The following MTMR12 variants were observed in gnomAD, a reference collection of about 807,000 sequenced individuals.
MTMR12 encodes myotubularin-related protein 12.
A neutral mutation model predicts 96.7 loss-of-function variants in MTMR12; 33 were observed. The ratio of observed to expected loss-of-function variants is 0.34; its 90% confidence interval spans 0.26 to 0.46. MTMR12 has a LOEUF of 0.46. Ranked by LOEUF, MTMR12 falls within the 20% of genes least tolerant of loss-of-function variation. MTMR12 has a pLI of 1.00. For missense variants in MTMR12, 721 were observed against 896.1 expected (o/e 0.80, Z 2.49); for synonymous variants, 298 against 327.2 (o/e 0.91, Z 0.96).
chr5:32,263,731 C>A (rs901998145), intron 6 of MTMR12, among the ~76,000 whole-genome samples: 1 of 152,292 alleles, frequency 6.6e-6, no homozygotes, highest in African/African-American at 2.4e-5. Flanking sequence ...AGCCATCGCG[C>A]CAGGCCAGCT....
intron 6 of MTMR12, among the ~76,000 whole-genome samples, chr5:32,264,829 C>T (rs1749530237): frequency 6.6e-6 from 1 of 152,100 alleles, no homozygotes; most frequent in Admixed American, 6.5e-5. Context: ...AGATCATTTC[C>T]TCCATTTTAC....
intron 1 of MTMR12, among the ~76,000 whole-genome samples, chr5:32,286,789 G>A (rs1750556309): frequency 6.6e-6 from 1 of 152,210 alleles, no homozygotes; most frequent in African/African-American, 2.4e-5. Context: ...GACGAGGGTT[G>A]TACTCTCAAC....
At chr5:32,280,692 G>A (rs569465647) in intron 1 of MTMR12, among the ~76,000 whole-genome samples, 13 of 151,958 alleles carry the variant, frequency 8.6e-5, no homozygotes, top group Admixed American at 3.3e-4. Flanking sequence ...ACCGACCTGG[G>A]GCCACAGTCC....
At chr5:32,248,620 T>C in intron 9 of MTMR12, 152 bp downstream of exon 9, 1 of 622,132 alleles carries the variant, frequency 1.6e-6, no homozygotes, top group South Asian at 2.2e-5. Context: ...CTGACTCCTT[T>C]CAAATTAACT....
At chr5:32,231,381 C>CA (rs548654471) in intron 15 of MTMR12, among the ~76,000 whole-genome samples, 1,196 of 46,464 alleles carry the variant, frequency 0.026, 10 homozygotes, top group Middle Eastern at 0.039. Flanking sequence ...CTCTGGCTCG[C>CA]AAAAAAAAAA....
chr5:32,260,701 C>T (rs928733242), intron 7 of MTMR12, among the ~76,000 whole-genome samples: 2 of 148,696 alleles, frequency 1.3e-5, no homozygotes, highest in African/African-American at 2.5e-5. Context: ...ACTGCCACCA[C>T]AGCTCACACT....
chr5:32,242,200 A>G (rs1356569947), intron 11 of MTMR12, 73 bp from the exon 12 acceptor site: 1 of 1,096,238 alleles, frequency 9.1e-7, no homozygotes, highest in Non-Finnish European at 1.3e-6. Context: ...CGTAGTTGAG[A>G]GAGAGTCTGA....
At position 32,233,211 on chromosome 5, in the gene MTMR12, C is replaced by CTTTT. The variant is rs767162675; in HGVS notation, c.1674+558_1674+561dup. Among the ~76,000 whole-genome samples, 4 of 145,204 alleles carry CTTTT rather than the reference C, an allele frequency of 2.8e-5. No homozygotes were observed. The highest frequency in any genetic ancestry group is 6.1e-5 in the Non-Finnish European group (4 of 65,700). ...CCTACTTGTTCACCTACTAAGGCTC[C>CTTTT]TTTTTTTTTTTTCAAGTAAAGGAAT... On this transcript the variant is annotated intron_variant, in intron 15 of 15. Coordinates refer to ENST00000382142, the MANE Select transcript of MTMR12 (RefSeq NM_001040446.3). The surrounding 1 kb of genome is among the most constrained non-coding windows in gnomAD (Gnocchi z 5.0).
chr5:32,242,757 GTTCT>G (rs1748534571), intron 11 of MTMR12, among the ~76,000 whole-genome samples: 1 of 151,788 alleles, frequency 6.6e-6, no homozygotes, highest in African/African-American at 2.4e-5. Context: ...ACAAAGAAGG[GTTCT>G]TTGCTTCCAT....
chr5:32,258,435 A>C (rs1447805053), intron 7 of MTMR12, among the ~76,000 whole-genome samples: 1 of 152,236 alleles, frequency 6.6e-6, no homozygotes, highest in East Asian at 1.9e-4. Context: ...AGATTAAAAG[A>C]TTACCAATGT....
At chr5:32,271,298 T>C (rs1299803354) in intron 4 of MTMR12, among the ~76,000 whole-genome samples, 1 of 152,214 alleles carries the variant, frequency 6.6e-6, no homozygotes, top group African/African-American at 2.4e-5. Flanking sequence ...AGTCAACTCC[T>C]GGGTTTACAG....
intron 3 of MTMR12, among the ~76,000 whole-genome samples, chr5:32,273,732 G>A (rs1345230579): frequency 6.6e-6 from 1 of 152,078 alleles, no homozygotes; most frequent in Non-Finnish European, 1.5e-5. Flanking sequence ...TATGTGGGAT[G>A]GTGGGGAGGG....
intron 2 of MTMR12, 40 bp from the exon 3 acceptor site, chr5:32,274,162 G>A (rs945909201): frequency 1.9e-6 from 3 of 1,600,704 alleles, no homozygotes; most frequent in Non-Finnish European, 1.7e-6. Flanking sequence ...GAGTTCTCAG[G>A]GAACATACGA....
At chr5:32,269,309 G>A (rs1749738082) in intron 5 of MTMR12, among the ~76,000 whole-genome samples, 1 of 150,080 alleles carries the variant, frequency 6.7e-6, no homozygotes, top group African/African-American at 2.5e-5. Flanking sequence ...TTACAGGCAT[G>A]AACCATCCTG....
intron 1 of MTMR12, among the ~76,000 whole-genome samples, chr5:32,290,427 A>G (rs1406789487): frequency 1.3e-5 from 2 of 152,210 alleles, no homozygotes; most frequent in East Asian, 3.8e-4. Flanking sequence ...TACCTCAGTA[A>G]AATTTTTAGG....
chr5:32,289,642 G>A (rs1157453139), intron 1 of MTMR12, among the ~76,000 whole-genome samples: 1 of 152,186 alleles, frequency 6.6e-6, no homozygotes, highest in Non-Finnish European at 1.5e-5. Flanking sequence ...GGTAATTAAT[G>A]CAGTTTTAGC....
intron 1 of MTMR12, among the ~76,000 whole-genome samples, chr5:32,276,945 G>C (rs1750079774): frequency 1.6e-5 from 2 of 122,634 alleles, no homozygotes; most frequent in Admixed American, 1.1e-4. Context: ...GAGTGCAGTG[G>C]CACGATCTCA....
chr5:32,284,218 T>C (rs988595698), intron 1 of MTMR12, among the ~76,000 whole-genome samples: 3 of 143,622 alleles, frequency 2.1e-5, no homozygotes, highest in African/African-American at 7.9e-5. Flanking sequence ...CTCAGAAGGC[T>C]GGGGCGGGAG....
chr5:32,270,968 C>G, intron 4 of MTMR12, 21 bp from the exon 5 acceptor site: 1 of 1,596,640 alleles, frequency 6.3e-7, no homozygotes, highest in Non-Finnish European at 8.5e-7. Context: ...GCAATGAAAT[C>G]AGGAAGGGAA....
Sources: allele counts gnomAD v4.1 joint callset (sites outside exome capture counted in the v4.1 genomes callset), GRCh38; gene constraint gnomAD v4.1.1; non-coding constraint Gnocchi (gnomAD v3.1); transcripts MANE v1.5; gene names NCBI Gene and HGNC (gene_info 2026-07-23, HGNC 2026-07-21).